The following ZNF835 variants were observed in gnomAD, a reference collection of about 807,000 sequenced individuals.
ZNF835 encodes zinc finger protein 835.
For synonymous variants in ZNF835, 323 were observed against 324.7 expected (o/e 0.99, Z 0.06); for missense variants, 783 against 758.4 (o/e 1.03, Z -0.38).
At chr19:56,670,617 C>G (rs755510206) in intron 1 of ZNF835, among the ~76,000 whole-genome samples, 11 of 152,204 alleles carry the variant, frequency 7.2e-5, no homozygotes, top group Non-Finnish European at 1.3e-4. Context: ...CTGCTCCACA[C>G]AGGCCGGCCA....
In ZNF835 at chr19:56,664,032, G is replaced by A. The variant is rs199864986; in HGVS notation, c.1167C>T (p.Pro389=). Reference sequence around the variant, plus strand: ...CGGCCCCGCATTGCAGGCACCTGTAGGGCCGCTCACCGGTGTGCACGAGGC... The same window carrying A: ...CGGCCCCGCATTGCAGGCACCTGTAAGGCCGCTCACCGGTGTGCACGAGGC... ...QHRLVHTGER[P]YRCLQCGAAF... Residue 389 remains proline (P), a synonymous_variant, in exon 2 of 2, where the codon CCC becomes CCT. Transcript: ENST00000537055. The A allele has an allele frequency of 1.9e-6, 3 of 1,612,412 alleles. No homozygotes were observed. Among genetic ancestry groups the A allele is most frequent in the East Asian group, 4.5e-5 (2 of 44,868 alleles).
chr19:56,663,615 G>T lies in ZNF835; in HGVS notation c.1584C>A (p.Gly528=), dbSNP rs2045204948. The T allele has an allele frequency of 6.2e-7, 1 of 1,614,042 alleles. No homozygotes were observed. The highest frequency in any genetic ancestry group is 1.1e-5 in the South Asian group (1 of 91,090). ...GGETCQQGCP[G]RNPRGPAED ...CTTCTGCTGGTCCACGCGGGTTTCT[G>T]CCAGGGCACCCCTGTTGACAGGTTT... Residue 528 remains glycine, a synonymous_variant, in exon 2 of 2, where the codon GGC becomes GGA. Transcript: ENST00000537055.
At position 56,665,082 on chromosome 19, in the gene ZNF835, G is replaced by C; in HGVS notation, c.117C>G (p.Ala39=). Reference sequence around the variant, plus strand: ...CAGCAGGGTCTCCCTTGCAGGCCACGGCCTCTGGCTCTGGACAGCTTTCCT... The same window carrying C: ...CAGCAGGGTCTCCCTTGCAGGCCACCGCCTCTGGCTCTGGACAGCTTTCCT... ...ENQESCPEPE[A]VACKGDPAGD... is the part of the protein sequence containing the mutation. Residue 39 remains alanine (A), a synonymous_variant, in exon 2 of 2, where the codon GCC becomes GCG. Transcript: ENST00000537055. The C allele has an allele frequency of 9.3e-6, 15 of 1,613,866 alleles. No homozygotes were observed. In the South Asian group the frequency reaches 1.6e-4, roughly 18 times the overall value.
chr19:56,664,775 C>T lies in ZNF835; in HGVS notation c.424G>A (p.Glu142Lys), dbSNP rs1489997694. The change falls in exon 2 of 2, where the codon GAG (glutamate) becomes AAG (lysine). Residue 142 changes from glutamate to lysine, a missense_variant. By Grantham distance (56) the Glu-to-Lys change is moderately conservative. Transcript: ENST00000537055. ...HTGEKPFACP[E>K]CGKAFSQSVH... ...CTCTGGCTGAAGGCCTTGCCGCACTCGGGGCACGCAAATGGCTTCTCCCCG... is the reference window on the plus strand; with the variant it reads ...CTCTGGCTGAAGGCCTTGCCGCACTTGGGGCACGCAAATGGCTTCTCCCCG... 2 of 1,614,172 alleles carry T rather than the reference C, an allele frequency of 1.2e-6. No individual in the cohort carries two copies. Among genetic ancestry groups the T allele is most frequent in the East Asian group, 2.2e-5 (1 of 44,876 alleles).
chr19:56,667,398 G>A (rs1290650003), intron 1 of ZNF835, among the ~76,000 whole-genome samples: 1 of 152,184 alleles, frequency 6.6e-6, no homozygotes, highest in African/African-American at 2.4e-5. Flanking sequence ...TCACACTGCT[G>A]GGAGGTCCTT....
At chr19:56,665,570 TTGAGCCCAG>T (rs2045238781) in intron 1 of ZNF835, 6 of 491,268 alleles carry the variant, frequency 1.2e-5, no homozygotes, top group African/African-American at 1.2e-4. Flanking sequence ...AGGTGGTTGC[TTGAGCCCAG>T]GAGTTTGAGA....
intron 1 of ZNF835, among the ~76,000 whole-genome samples, chr19:56,667,019 G>A (rs556907252): frequency 5.9e-5 from 9 of 152,296 alleles, no homozygotes; most frequent in Non-Finnish European, 7.4e-5. Flanking sequence ...ATGCTGGCTC[G>A]TGGGCCCAGG....
Position 56,664,783 on chromosome 19 carries a change from G to T in ZNF835, c.416C>A (p.Ala139Glu), listed in dbSNP as rs755475145. ...QRIHTGEKPF[A>E]CPECGKAFSQ... ...GAAGGCCTTGCCGCACTCGGGGCAC[G>T]CAAATGGCTTCTCCCCGGTGTGGAT... The change falls in exon 2 of 2, where the codon GCG (alanine) becomes GAG (glutamate). Residue 139 changes from alanine (A) to glutamate (E), a missense_variant. Physicochemically the swap from Ala to Glu is moderately radical, Grantham distance 107. Coordinates refer to ENST00000537055, the MANE Select transcript of ZNF835 (RefSeq NM_001005850.3). 8 of 1,614,052 alleles carry T rather than the reference G, an allele frequency of 5.0e-6. No homozygotes were observed. The highest frequency in any genetic ancestry group is 5.9e-6 in the Non-Finnish European group (7 of 1,179,990).
chr19:56,670,862 G>T (rs2045283819), intron 1 of ZNF835, among the ~76,000 whole-genome samples: 1 of 152,328 alleles, frequency 6.6e-6, no homozygotes, highest in African/African-American at 2.4e-5. Flanking sequence ...GCACACGTGG[G>T]GTCACACACC....
Position 56,664,415 on chromosome 19 carries a change from A to T in ZNF835, c.784T>A (p.Ser262Thr). 6.2e-7 allele frequency: 1 copy of T among 1,607,078 alleles called. No homozygotes were observed. Among genetic ancestry groups the T allele is most frequent in the African/African-American group, 1.4e-5 (1 of 72,456 alleles). ...CGCTGGTGGCGGATGAGCGCTGAGG[A>T]GAAGCGGAAGGCCTTGGCGCACGCG... ...CSACAKAFRF[S>T]SALIRHQRIH... The change falls in exon 2 of 2, where the codon TCC (serine) becomes ACC (threonine). Residue 262 changes from serine (S) to threonine (T), a missense_variant. By Grantham distance (58) the Ser-to-Thr change is moderately conservative (BLOSUM62 1). Coordinates refer to ENST00000537055, the MANE Select transcript of ZNF835 (RefSeq NM_001005850.3).
chr19:56,664,105 T>C lies in ZNF835; in HGVS notation c.1094A>G (p.His365Arg), dbSNP rs1260914289. 6.3e-7 allele frequency: 1 copy of C among 1,591,102 alleles called. No individual in the cohort carries two copies. The highest frequency in any genetic ancestry group is 8.6e-7 in the Non-Finnish European group (1 of 1,167,306). Residue 365 changes from histidine (H) to arginine (R), a missense_variant, in exon 2 of 2, where the codon CAC becomes CGC. His to Arg is a conservative substitution (Grantham distance 29). Coordinates refer to ENST00000537055, the MANE Select transcript of ZNF835 (RefSeq NM_001005850.3). ...GTTGCTGAAGCGCTTGCCGCAGTCG[T>C]GGCAGGGGTAAGGCCGCTCTCCGGT... ...THTGERPYPC[H>R]DCGKRFSNRS...
Position 56,664,559 on chromosome 19 carries a change from G to C in ZNF835, c.640C>G (p.Arg214Gly), listed in dbSNP as rs1426763550. 9 of 1,607,424 alleles carry C rather than the reference G, an allele frequency of 5.6e-6. No individual in the cohort carries two copies. In the African/African-American group the frequency reaches 1.2e-4, roughly 22 times the overall value. ...TAGGGCCGCTCGCCCGTGTGCACGCGCCGGTGCTGGGTCAGGTGCGTGACG... is the reference window on the plus strand; with the variant it reads ...TAGGGCCGCTCGCCCGTGTGCACGCCCCGGTGCTGGGTCAGGTGCGTGACG... ...TRVTHLTQHR[R>G]VHTGERPYAC... Residue 214 changes from arginine (R) to glycine (G), a missense_variant, in exon 2 of 2, where the codon CGC (arginine) becomes GGC (glycine). Transcript: ENST00000537055.
At chr19:56,665,718 A>C (rs2045239753) in intron 1 of ZNF835, among the ~76,000 whole-genome samples, 1 of 152,172 alleles carries the variant, frequency 6.6e-6, no homozygotes, top group South Asian at 2.1e-4. Context: ...CAAGAGGATC[A>C]GCTGAGCTCA....
In ZNF835 at chr19:56,663,941, A is replaced by G. The variant is rs1265797969; in HGVS notation, c.1258T>C (p.Cys420Arg). 3 of 1,612,392 alleles carry G rather than the reference A, an allele frequency of 1.9e-6. No individual in the cohort carries two copies. Among genetic ancestry groups the G allele is most frequent in the Non-Finnish European group, 1.7e-6 (2 of 1,179,572 alleles). ...CTGAAAGCTTTGCCGCACTCGCCGC[A>G]CTTGTAGGGCCGCTCTCCGGTGTGG... is the stretch of plus-strand genomic sequence containing the variant. The part of the protein sequence containing the change: ...KIHTGERPYK[C>R]GECGKAFSQG... The change falls in exon 2 of 2, where the codon TGC becomes CGC. Residue 420 changes from cysteine (C) to arginine (R), a missense_variant. Cys to Arg is a radical substitution (Grantham distance 180). Transcript: ENST00000537055.
Position 56,664,485 on chromosome 19 carries a change from T to C in ZNF835, c.714A>G (p.Ile238Met). 1.3e-6 allele frequency: 2 copies of C among 1,588,660 alleles called. No individual in the cohort carries two copies. The highest frequency in any genetic ancestry group is 1.7e-6 in the Non-Finnish European group (2 of 1,168,986). Residue 238 changes from isoleucine to methionine, a missense_variant, in exon 2 of 2, where the codon ATA becomes ATG. Ile to Met is a conservative substitution (Grantham distance 10). Transcript: ENST00000537055. ...CACCGGTGTGGATGCGCTGGTGCTC[T>C]ATCAGGGACGAGCGGTTGCGGAACG... is the stretch of plus-strand genomic sequence containing the variant. ...AKAFRNRSSL[I>M]EHQRIHTGEK... is the part of the protein sequence containing the mutation.
chr19:56,666,556 C>A (rs1176877167), intron 1 of ZNF835, among the ~76,000 whole-genome samples: 1 of 152,202 alleles, frequency 6.6e-6, no homozygotes, highest in Non-Finnish European at 1.5e-5. Context: ...AGACTCCCAG[C>A]CTCTAGCACT....
chr19:56,664,507 A>G lies in ZNF835; in HGVS notation c.692T>C (p.Phe231Ser). The G allele has an allele frequency of 6.2e-7, 1 of 1,610,614 alleles. No individual in the cohort carries two copies. Among genetic ancestry groups the G allele is most frequent in the East Asian group, 2.2e-5 (1 of 44,710 alleles). The change falls in exon 2 of 2, where the codon TTC becomes TCC. Residue 231 changes from phenylalanine to serine, a missense_variant. Coordinates refer to ENST00000537055, the MANE Select transcript of ZNF835 (RefSeq NM_001005850.3). ...CTCTATCAGGGACGAGCGGTTGCGG[A>G]ACGCCTTGGCGCACTGGGCGCACGC... ...PYACAQCAKA[F>S]RNRSSLIEHQ...
chr19:56,665,015 T>G lies in ZNF835; in HGVS notation c.184A>C (p.Arg62=), dbSNP rs2045233171. Residue 62 remains arginine (R), a synonymous_variant, in exon 2 of 2, where the codon AGA becomes CGA. Transcript: ENST00000537055. ...GTAGCAGCAGGGCTCGATATGGTTCTTGGGATTCGGCTGAATTCATCGCGT... is the reference window on the plus strand; with the variant it reads ...GTAGCAGCAGGGCTCGATATGGTTCGTGGGATTCGGCTGAATTCATCGCGT... ...QERDEFSRIP[R]TISSPAATQA... The G allele has an allele frequency of 6.2e-7, 1 of 1,613,946 alleles. No homozygotes were observed. Among genetic ancestry groups the G allele is most frequent in the African/African-American group, 1.3e-5 (1 of 74,948 alleles).
At chr19:56,667,284 A>G (rs911772394) in intron 1 of ZNF835, among the ~76,000 whole-genome samples, 35 of 152,262 alleles carry the variant, frequency 2.3e-4, no homozygotes, top group African/African-American at 8.4e-4. Flanking sequence ...TAGTTCTAAC[A>G]GAATGGGAAG....
Sources: gnomAD v4.1 joint callset for allele counts (sites outside exome capture counted in the v4.1 genomes callset) on GRCh38, gnomAD v4.1.1 for gene constraint, MANE v1.5 for transcripts, NCBI Gene and HGNC (gene_info 2026-07-23, HGNC 2026-07-21) for gene names.